GLCE: variants seen among roughly 807,000 people sequenced by gnomAD.
GLCE encodes glucuronic acid epimerase.
In GLCE, 19 loss-of-function variants were observed where a neutral mutation model predicts 47.9. That is an observed-to-expected ratio of 0.40 (90% CI 0.28 to 0.58). The LOEUF (loss-of-function observed/expected upper bound fraction) is 0.58. GLCE is among the 20% of genes least tolerant of loss of function. The pLI is 0.48. For synonymous variants in GLCE, 245 were observed against 263.4 expected, an observed-to-expected ratio of 0.93 and a Z score of 0.68; for missense variants, 556 against 743.3, an observed-to-expected ratio of 0.75 and a Z score of 2.93.
chr15:69,228,058 G>GTTTTT (rs2052473646), intron 2 of GLCE, among the ~76,000 whole-genome samples: 1 of 152,148 alleles, frequency 6.6e-6, no homozygotes, highest in Non-Finnish European at 1.5e-5. Context: ...AGTAGAGAAA[G>GTTTTT]CTAGGAGGAA....
chr15:69,268,291 T>G lies in GLCE; in HGVS notation c.901T>G (p.Leu301Val). Residue 301 changes from leucine to valine, a missense_variant, in exon 5 of 5, where the codon TTG becomes GTG. Coordinates refer to ENST00000261858, the MANE Select transcript of GLCE (RefSeq NM_015554.3). The stretch of plus-strand genomic sequence containing the variant: ...TATTATTTCATTTGACCTCAAGTTC[T>G]TGACAAATGGAAGTGTGTCCGTGGT... ...DFIISFDLKF[L>V]TNGSVSVVLE... The G allele has an allele frequency of 6.2e-7, 1 of 1,612,196 alleles. No homozygotes were observed. The highest frequency in any genetic ancestry group is 8.5e-7 in the Non-Finnish European group (1 of 1,178,544).
intron 2 of GLCE, among the ~76,000 whole-genome samples, chr15:69,229,574 C>G (rs2052492823): frequency 6.6e-6 from 1 of 151,700 alleles, no homozygotes; most frequent in South Asian, 2.1e-4. Context: ...AAGATAATTG[C>G]TTAAAACAAG....
At chr15:69,242,958 A>G (rs765809679) in intron 2 of GLCE, among the ~76,000 whole-genome samples, 1 of 151,496 alleles carries the variant, frequency 6.6e-6, no homozygotes, top group Non-Finnish European at 1.5e-5. Flanking sequence ...CCAGGAGGCT[A>G]AGGCAGAAGG....
intron 2 of GLCE, among the ~76,000 whole-genome samples, chr15:69,222,252 G>A (rs761517330): frequency 1.3e-5 from 2 of 152,218 alleles, no homozygotes; most frequent in Non-Finnish European, 2.9e-5. Flanking sequence ...ATGGCAGCAC[G>A]GGTCCATGGG....
chr15:69,221,862 CAA>C (rs35986310), intron 2 of GLCE, among the ~76,000 whole-genome samples: 1,200 of 87,440 alleles, frequency 0.014, 5 homozygotes, highest in African/African-American at 0.038. Context: ...GACGCTGTCT[CAA>C]AAAAAAAAAA....
chr15:69,256,583 A>C (rs1225262930), intron 3 of GLCE, among the ~76,000 whole-genome samples, 191 bp downstream of exon 3: 1 of 152,232 alleles, frequency 6.6e-6, no homozygotes, highest in Non-Finnish European at 1.5e-5. Context: ...AAGGGCTGCC[A>C]TAAGACCAAA....
At chr15:69,181,128 C>T (rs1390007098) in intron 1 of GLCE, among the ~76,000 whole-genome samples, 1 of 152,022 alleles carries the variant, frequency 6.6e-6, no homozygotes, top group Non-Finnish European at 1.5e-5. Context: ...GGCTAGTTAC[C>T]CATTTGCTGT....
chr15:69,169,052 T>A (rs1008185150), intron 1 of GLCE, among the ~76,000 whole-genome samples: 2 of 152,248 alleles, frequency 1.3e-5, no homozygotes, highest in Non-Finnish European at 2.9e-5. Flanking sequence ...TACCCATCAC[T>A]ATAGATTAGT....
intron 3 of GLCE, among the ~76,000 whole-genome samples, chr15:69,257,176 C>T (rs2052937709): frequency 6.6e-6 from 1 of 152,054 alleles, no homozygotes; most frequent in Non-Finnish European, 1.5e-5. Context: ...CACTTGGTGA[C>T]CATGTGGATG....
chr15:69,237,488 C>T (rs1250149465), intron 2 of GLCE, among the ~76,000 whole-genome samples: 3 of 151,962 alleles, frequency 2.0e-5, no homozygotes, highest in Non-Finnish European at 2.9e-5. Context: ...ATCCCAGCTA[C>T]TTGTGAGGCT....
At position 69,270,421 on chromosome 15, in the gene GLCE, A is replaced by G. The variant is rs547152375; in HGVS notation, c.*1177A>G. 40 of 152,224 alleles carry G rather than the reference A, an allele frequency of 2.6e-4. No individual in the cohort carries two copies. Among genetic ancestry groups the G allele is most frequent in the African/African-American group, 7.9e-4 (33 of 41,538 alleles). The allele number at this position is 152,224 out of a possible 1,614,324, so 9.4% of individuals were successfully genotyped here. Reference sequence around the variant, plus strand: ...TTTATTTAGGTATACATATCCTCCTATACCGCACATAAATAGATTTCAGAG... The same window carrying G: ...TTTATTTAGGTATACATATCCTCCTGTACCGCACATAAATAGATTTCAGAG... On this transcript the variant is annotated 3_prime_UTR_variant, in exon 5 of 5. Transcript: ENST00000261858.
chr15:69,258,243 C>A (rs1022687821), intron 3 of GLCE, among the ~76,000 whole-genome samples: 1 of 150,958 alleles, frequency 6.6e-6, no homozygotes, highest in Non-Finnish European at 1.5e-5. Context: ...TGAGAACATG[C>A]AGTATTTGGT....
intron 2 of GLCE, among the ~76,000 whole-genome samples, chr15:69,219,047 C>T (rs1188478830): frequency 7.2e-5 from 11 of 151,794 alleles, no homozygotes; most frequent in East Asian, 1.9e-4. Context: ...GTGATTAAAC[C>T]GTCTTTATCT....
chr15:69,250,317 T>G (rs1025611632), intron 2 of GLCE, among the ~76,000 whole-genome samples: 2 of 152,170 alleles, frequency 1.3e-5, no homozygotes, highest in Non-Finnish European at 2.9e-5. Flanking sequence ...GAGCCTATTT[T>G]TTAGTTAATA....
At chr15:69,173,914 G>A (rs2051623555) in intron 1 of GLCE, among the ~76,000 whole-genome samples, 1 of 151,962 alleles carries the variant, frequency 6.6e-6, no homozygotes. Context: ...CTGGTGTGCA[G>A]TGGTGTGATC....
chr15:69,227,789 T>C (rs1034027651), intron 2 of GLCE, among the ~76,000 whole-genome samples: 3 of 152,214 alleles, frequency 2.0e-5, no homozygotes, highest in Admixed American at 6.5e-5. Flanking sequence ...ATAGGTTTAG[T>C]ATGGTAGCAT....
chr15:69,205,963 C>G (rs1381087591), intron 1 of GLCE, among the ~76,000 whole-genome samples: 1 of 151,970 alleles, frequency 6.6e-6, no homozygotes, highest in Non-Finnish European at 1.5e-5. Flanking sequence ...TTTTTCAAAA[C>G]CAAGAAACCA....
At chr15:69,168,248 A>G (rs1370720327) in intron 1 of GLCE, among the ~76,000 whole-genome samples, 2 of 152,146 alleles carry the variant, frequency 1.3e-5, no homozygotes, top group African/African-American at 4.8e-5. Context: ...GCCTGGGCAA[A>G]AAAGTAAGAC....
chr15:69,264,174 C>A (rs1167450240), intron 4 of GLCE, among the ~76,000 whole-genome samples: 1 of 151,542 alleles, frequency 6.6e-6, no homozygotes, highest in Non-Finnish European at 1.5e-5. Flanking sequence ...TTCCCACCCC[C>A]CCAGCCCGAC....
Sources: allele counts gnomAD v4.1 joint callset (sites outside exome capture counted in the v4.1 genomes callset), GRCh38; gene constraint gnomAD v4.1.1; transcripts MANE v1.5; gene names NCBI Gene and HGNC (gene_info 2026-07-23, HGNC 2026-07-21).